Variants in KDM4C observed in about 807,000 individuals in gnomAD.
KDM4C encodes lysine demethylase 4C, also known as lysine-specific demethylase 4C.
KDM4C carries 81 observed loss-of-function variants against 129.3 expected under a neutral mutation model. That is an observed-to-expected ratio of 0.63 (90% CI 0.52 to 0.75). The LOEUF is 0.75. Ranked by LOEUF, KDM4C falls within the 30% of genes least tolerant of loss-of-function variation. KDM4C has a pLI of 0.00. For synonymous variants in KDM4C, 573 were observed against 456.1 expected (o/e 1.26, Z -3.26); for missense variants, 1,457 against 1,304.0 (o/e 1.12, Z -1.81).
At chr9:7,151,490 A>G (rs1024511606) in intron 19 of KDM4C, among the ~76,000 whole-genome samples, 1 of 152,104 alleles carries the variant, frequency 6.6e-6, no homozygotes, top group African/African-American at 2.4e-5. Context: ...TTGCTGGGCA[A>G]CATAGCAAGA....
At chr9:6,948,329 T>G (rs993996382) in intron 8 of KDM4C, 1 of 152,220 alleles carries the variant, frequency 6.6e-6, no homozygotes, top group Middle Eastern at 3.2e-3. Context: ...TAAGCAGAAA[T>G]GCAGTACCTT....
intron 1 of KDM4C, among the ~76,000 whole-genome samples, chr9:6,787,323 C>T (rs917305182): frequency 1.3e-5 from 2 of 152,212 alleles, no homozygotes; most frequent in Non-Finnish European, 1.5e-5. Flanking sequence ...ACCTCCGCCC[C>T]CGGGGTTCAA....
chr9:6,990,102 G>C (rs1048045836), intron 11 of KDM4C, among the ~76,000 whole-genome samples: 20 of 152,100 alleles, frequency 1.3e-4, no homozygotes, highest in African/African-American at 4.6e-4. Flanking sequence ...TACATTAGTT[G>C]TAAGAACTTT....
chr9:6,920,553 A>ACTCAATCTC (rs747837436), intron 8 of KDM4C, among the ~76,000 whole-genome samples: 1 of 126,410 alleles, frequency 7.9e-6, no homozygotes, highest in Non-Finnish European at 1.5e-5. Context: ...ACAGAACAAG[A>ACTCAATCTC]AAAAAAAAAT....
chr9:6,841,354 A>G (rs911230068), intron 4 of KDM4C, among the ~76,000 whole-genome samples: 1 of 152,136 alleles, frequency 6.6e-6, no homozygotes, highest in Non-Finnish European at 1.5e-5. Flanking sequence ...AATGGGAAGG[A>G]TGTTGTTGAG....
chr9:6,810,725 G>T (rs934801683), intron 3 of KDM4C, among the ~76,000 whole-genome samples: 2 of 151,954 alleles, frequency 1.3e-5, no homozygotes, highest in Admixed American at 6.6e-5. Flanking sequence ...TAAAAAATTA[G>T]CCATGCATGG....
chr9:7,047,821 A>G (rs761299410), intron 16 of KDM4C, among the ~76,000 whole-genome samples: 10 of 152,068 alleles, frequency 6.6e-5, no homozygotes, highest in Non-Finnish European at 1.2e-4. Flanking sequence ...TCAGTGGGGC[A>G]GGTACTCCTC....
intron 1 of KDM4C, among the ~76,000 whole-genome samples, chr9:6,789,267 C>G (rs1311078657): frequency 2.2e-5 from 3 of 139,238 alleles, no homozygotes; most frequent in African/African-American, 8.2e-5. Flanking sequence ...GTTGCCCAGG[C>G]TGGAGTGCAA....
chr9:6,834,933 C>T (rs1254037398), intron 4 of KDM4C: 11 of 1,129,098 alleles, frequency 9.7e-6, no homozygotes, highest in Non-Finnish European at 1.4e-5. Flanking sequence ...GACGGGGTCA[C>T]CCACAGTGTG....
At chr9:7,137,537 AT>A (rs1387605226) in intron 19 of KDM4C, among the ~76,000 whole-genome samples, 3 of 152,146 alleles carry the variant, frequency 2.0e-5, no homozygotes, top group Non-Finnish European at 4.4e-5. Flanking sequence ...CTGTAATTTT[AT>A]TTTTATCTCA....
chr9:6,766,032 G>A (rs1015836835), intron 1 of KDM4C, among the ~76,000 whole-genome samples: 5 of 152,038 alleles, frequency 3.3e-5, no homozygotes, highest in Admixed American at 6.6e-5. Context: ...CAGGTGATCC[G>A]CCCACCTCAG....
chr9:6,794,609 C>T (rs759389347), intron 2 of KDM4C, among the ~76,000 whole-genome samples: 1 of 152,146 alleles, frequency 6.6e-6, no homozygotes. Context: ...AGCACCTTGT[C>T]TGGGATAGTT....
intron 4 of KDM4C, among the ~76,000 whole-genome samples, chr9:6,842,792 A>G (rs1384485374): frequency 1.3e-5 from 2 of 152,060 alleles, no homozygotes; most frequent in African/African-American, 2.4e-5. Flanking sequence ...ATCACCCCCA[A>G]TACCCACGTT....
intron 15 of KDM4C, among the ~76,000 whole-genome samples, chr9:7,042,402 A>G (rs1199983941): frequency 6.6e-6 from 1 of 152,082 alleles, no homozygotes; most frequent in Non-Finnish European, 1.5e-5. Flanking sequence ...AAATGGTATC[A>G]TTACTTCGAA....
At chr9:6,917,789 G>A (rs1280269787) in intron 8 of KDM4C, among the ~76,000 whole-genome samples, 1 of 152,064 alleles carries the variant, frequency 6.6e-6, no homozygotes, top group Non-Finnish European at 1.5e-5. Flanking sequence ...ATCAGTCCCG[G>A]TGCCCATACA....
Position 6,806,622 on chromosome 9 carries a change from G to T in KDM4C, c.320+848G>T, listed in dbSNP as rs1355647024. Among the ~76,000 whole-genome samples the T allele has an allele frequency of 3.3e-5, 5 of 151,954 alleles. No homozygotes were observed. In the South Asian group the frequency reaches 6.2e-4, roughly 19 times the overall value. ...AGATTCTGCCTCAGGGTCTCATGAG[G>T]TTGCAGTTAGCATGTTGGCTGGGCT... is the stretch of plus-strand genomic sequence containing the variant. On this transcript the variant is annotated intron_variant, in intron 3 of 21. Transcript: ENST00000381309.
rs982381086 is a variant in KDM4C, at chr9:6,803,735, C to A, written c.145-1864C>A. Among the ~76,000 whole-genome samples the A allele has an allele frequency of 2.7e-5, 4 of 146,118 alleles. No homozygotes were observed. In the South Asian group the frequency reaches 9.0e-4, roughly 33 times the overall value. On this transcript the variant is annotated intron_variant, in intron 2 of 21. Coordinates refer to ENST00000381309, the MANE Select transcript of KDM4C (RefSeq NM_015061.6). ...CCAGCCTGGGCAACATGGCGAAACC[C>A]CATCTGTAACAAAAAGAAAAAAAAA...
rs563464673 is a variant in KDM4C at position 6,827,730 on chromosome 9, A to G, written c.435+12985A>G. On this transcript the variant is annotated intron_variant, in intron 4 of 21. Coordinates refer to ENST00000381309, the MANE Select transcript of KDM4C (RefSeq NM_015061.6). ...CACTAACTGCCTAAATTTCACATCC[A>G]AGGCAAAGATGTCATCCTAGACAGG... 7.9e-5 allele frequency among the ~76,000 whole-genome samples: 12 copies of G among 152,384 alleles called. No individual in the cohort carries two copies. In the South Asian group the frequency reaches 8.3e-4, roughly 11 times the overall value.
intron 1 of KDM4C, among the ~76,000 whole-genome samples, chr9:6,779,036 T>TC (rs1158428610): frequency 3.5e-5 from 5 of 141,532 alleles, no homozygotes; most frequent in Admixed American, 2.1e-4. Context: ...TAAAGTCTTT[T>TC]TTTTTTTTTT....
Sources: allele counts gnomAD v4.1 joint callset (sites outside exome capture counted in the v4.1 genomes callset), GRCh38; gene constraint gnomAD v4.1.1; transcripts MANE v1.5; gene names NCBI Gene and HGNC (gene_info 2026-07-23, HGNC 2026-07-21).